SLFN12L: variants seen among roughly 807,000 people sequenced by gnomAD.
SLFN12L encodes the protein schlafen family member 12-like.
Under a neutral mutation model 34.8 loss-of-function variants are expected in SLFN12L, and 34 were observed. That is an observed-to-expected ratio of 0.98 (90% CI 0.74 to 1.30). SLFN12L has a LOEUF of 1.30. Among genes scored for constraint, SLFN12L ranks in the 50% most tolerant of loss-of-function variants. The probability of loss-of-function intolerance (pLI) is 0.00; values close to 1 mark genes in which losing one functional copy is unlikely to be tolerated. For missense variants in SLFN12L, 703 were observed against 696.2 expected, an observed-to-expected ratio of 1.01 and a Z score of -0.11; for synonymous variants, 259 against 247.5, an observed-to-expected ratio of 1.05 and a Z score of -0.44.
In SLFN12L at chr17:35,479,789, T is replaced by G; in HGVS notation, c.493A>C (p.Ser165Arg). ...ACATCTCTCTTGTACAAACTGGAGC[T>G]CAACGTGGCAATCTGCGGACCAGAG... is the stretch of plus-strand genomic sequence containing the variant. ...ETSGPQIATL[S>R]SSLYKRDVTS... The change falls in exon 3 of 5, where the codon AGC becomes CGC. Residue 165 changes from serine (S) to arginine (R), a missense_variant. Coordinates refer to ENST00000628453, the MANE Select transcript of SLFN12L (RefSeq NM_001363830.2). 6.2e-7 allele frequency: 1 copy of G among 1,613,252 alleles called. No individual in the cohort carries two copies.
chr17:35,518,710 G>A (rs58238174), intron 2 of SLFN12L, among the ~76,000 whole-genome samples: 1,895 of 152,310 alleles, frequency 0.012, 45 homozygotes, highest in African/African-American at 0.043. Context: ...AGATGCTGGA[G>A]AGGATGTGGA....
chr17:35,469,327 AAT>A lies in SLFN12L; in HGVS notation c.*5594_*5595del, dbSNP rs199713584. 2.6e-3 allele frequency among the ~76,000 whole-genome samples: 264 copies of A among 100,844 alleles called. 5 individuals carry two copies. Among genetic ancestry groups the A allele is most frequent in the African/African-American group, 9.4e-3 (244 of 25,948 alleles). The allele number at this position is 100,844 out of a possible 152,430, so 66.2% of individuals were successfully genotyped here. On this transcript the variant is annotated 3_prime_UTR_variant, in exon 5 of 5. Coordinates refer to ENST00000628453, the MANE Select transcript of SLFN12L (RefSeq NM_001363830.2). Reference sequence around the variant, plus strand: ...AAAATATATATATATTATATATATAAATATATATATAATATATATATATATGT... The same window carrying A: ...AAAATATATATATATTATATATATAAATATATATAATATATATATATATGT...
chr17:35,530,398 GAA>G lies in SLFN12L; in HGVS notation c.-606+7173_-606+7174del, dbSNP rs1440780654. On this transcript the variant is annotated intron_variant, in intron 1 of 4. Transcript: ENST00000628453. ...GGAAGGAAGGAAGGAAGGAAGGAAGGAAGGAAGGAAGGAAGGAAGGAAGGAAG... is the reference window on the plus strand; with the variant it reads ...GGAAGGAAGGAAGGAAGGAAGGAAGGGGAAGGAAGGAAGGAAGGAAGGAAG... 8.6e-3 allele frequency among the ~76,000 whole-genome samples: 81 copies of G among 9,442 alleles called. 3 individuals are homozygous for G. Among genetic ancestry groups the G allele is most frequent in the East Asian group, 0.045 (1 of 22 alleles). The allele number at this position is 9,442 out of a possible 152,430, so 6.2% of individuals were successfully genotyped here.
At chr17:35,516,768 A>G (rs1346027995) in intron 2 of SLFN12L, among the ~76,000 whole-genome samples, 1 of 152,276 alleles carries the variant, frequency 6.6e-6, no homozygotes, top group Non-Finnish European at 1.5e-5. Context: ...CAACAGAAAT[A>G]TAATGCAATA....
chr17:35,490,009 C>T, intron 2 of SLFN12L: 1 of 1,589,636 alleles, frequency 6.3e-7, no homozygotes, highest in East Asian at 2.2e-5. Context: ...TATCCGACAT[C>T]CAGATCCTCA....
At chr17:35,534,230 C>T (rs1254074813) in intron 1 of SLFN12L, among the ~76,000 whole-genome samples, 1 of 151,188 alleles carries the variant, frequency 6.6e-6, no homozygotes, top group Non-Finnish European at 1.5e-5. Context: ...GGCATGGTGG[C>T]ACATGCCTGC....
intron 2 of SLFN12L, among the ~76,000 whole-genome samples, chr17:35,520,702 T>C (rs1915971644): frequency 6.6e-6 from 1 of 151,540 alleles, no homozygotes; most frequent in Admixed American, 6.6e-5. Flanking sequence ...GCCGAGATCA[T>C]ACCACTGCAC....
intron 1 of SLFN12L, among the ~76,000 whole-genome samples, chr17:35,533,806 C>G (rs576031533): frequency 1.2e-3 from 187 of 152,274 alleles, no homozygotes; most frequent in Non-Finnish European, 2.1e-4. Flanking sequence ...GCTGGCCAGA[C>G]ACCATAGCTC....
In SLFN12L at chr17:35,465,529, T is replaced by C. The variant is rs141316748; in HGVS notation, c.*9394A>G. Among the ~76,000 whole-genome samples the C allele has an allele frequency of 3.9e-5, 6 of 152,140 alleles. No individual in the cohort carries two copies. The East Asian group carries it at 5.8e-4, about 15-fold the overall frequency. On this transcript the variant is annotated 3_prime_UTR_variant, in exon 5 of 5. Transcript: ENST00000628453. ...ATAAATCCCATTAAAATAGTTAATA[T>C]GGTTCAATGTAAGTTAAAATAGGCC...
In SLFN12L at chr17:35,473,090, T is replaced by C. The variant is rs563317042; in HGVS notation, c.*1833A>G. ...ATTTTCTAGATATAAAATCATCTCA[T>C]CTACAAATAAAGACAATTTGACTTC... On this transcript the variant is annotated 3_prime_UTR_variant, in exon 5 of 5. Transcript: ENST00000628453. Among the ~76,000 whole-genome samples, 1 of 152,334 alleles carries C rather than the reference T, an allele frequency of 6.6e-6. No individual in the cohort carries two copies. The highest frequency in any genetic ancestry group is 1.9e-4 in the East Asian group (1 of 5,192).
rs182364992 is a variant in SLFN12L, at chr17:35,465,351, T to A, written c.*9572A>T. On this transcript the variant is annotated 3_prime_UTR_variant, in exon 5 of 5. Coordinates refer to ENST00000628453, the MANE Select transcript of SLFN12L (RefSeq NM_001363830.2). ...CTAAATAGCTTTTTAAAAATAGCTA[T>A]GCCTTATTTTATATCTTGATTGAAT... is the stretch of plus-strand genomic sequence containing the variant. Among the ~76,000 whole-genome samples the A allele has an allele frequency of 7.9e-5, 12 of 152,282 alleles. No individual in the cohort carries two copies. The East Asian group carries it at 2.3e-3, about 29-fold the overall frequency.
intron 4 of SLFN12L, among the ~76,000 whole-genome samples, chr17:35,476,300 A>C (rs1414853321): frequency 6.6e-6 from 1 of 152,106 alleles, no homozygotes; most frequent in Admixed American, 6.5e-5. Context: ...CTAGAAACAC[A>C]GAAGAAAATA....
intron 2 of SLFN12L, among the ~76,000 whole-genome samples, chr17:35,512,064 G>A (rs1437869154): frequency 1.3e-5 from 2 of 152,160 alleles, no homozygotes; most frequent in Non-Finnish European, 2.9e-5. Context: ...CATCACCACA[G>A]GGACTTGGTT....
At chr17:35,505,380 C>T (rs541015529) in intron 2 of SLFN12L, among the ~76,000 whole-genome samples, 4 of 152,064 alleles carry the variant, frequency 2.6e-5, no homozygotes, top group Non-Finnish European at 5.9e-5. Flanking sequence ...AAGAGTTGGC[C>T]CCTGTGCTTA....
chr17:35,537,047 T>C (rs553087471), intron 1 of SLFN12L, among the ~76,000 whole-genome samples: 1 of 151,858 alleles, frequency 6.6e-6, no homozygotes, highest in Non-Finnish European at 1.5e-5. Context: ...ACCCTCACGC[T>C]CAGTGCCTGT....
chr17:35,481,111 CA>C (rs1914319192), intron 2 of SLFN12L, among the ~76,000 whole-genome samples: 2 of 152,244 alleles, frequency 1.3e-5, no homozygotes, highest in Non-Finnish European at 1.5e-5. Flanking sequence ...TACGCCCGGA[CA>C]GGGCTTCTAG....
intron 2 of SLFN12L, among the ~76,000 whole-genome samples, chr17:35,516,520 G>A (rs1036429550): frequency 6.6e-6 from 1 of 152,190 alleles, no homozygotes; most frequent in Admixed American, 6.5e-5. Flanking sequence ...GTTGTGGGGG[G>A]CTATCCTGTA....
At chr17:35,523,981 CA>C (rs1324330411) in intron 1 of SLFN12L, among the ~76,000 whole-genome samples, 1 of 151,796 alleles carries the variant, frequency 6.6e-6, no homozygotes, top group Non-Finnish European at 1.5e-5. Context: ...GGGAGAAAAA[CA>C]AGAATGTTTT....
chr17:35,530,926 A>G (rs2072405637), intron 1 of SLFN12L, among the ~76,000 whole-genome samples: 2 of 152,236 alleles, frequency 1.3e-5, no homozygotes, highest in Non-Finnish European at 2.9e-5. Context: ...CAGAGATACT[A>G]AGAATCTGTC....
Sources: gnomAD v4.1 joint callset for allele counts (sites outside exome capture counted in the v4.1 genomes callset) on GRCh38, gnomAD v4.1.1 for gene constraint, MANE v1.5 for transcripts, NCBI Gene and HGNC (gene_info 2026-07-23, HGNC 2026-07-21) for gene names.